PIK3CD: variants seen among roughly 807,000 people sequenced by gnomAD.
PIK3CD encodes phosphatidylinositol 4,5-bisphosphate 3-kinase catalytic subunit delta isoform.
Under a neutral mutation model 122.9 loss-of-function variants are expected in PIK3CD, and 20 were observed. That is an observed-to-expected ratio of 0.16 (90% CI 0.11 to 0.24). The LOEUF is 0.24. PIK3CD is among the 10% of genes least tolerant of loss of function. PIK3CD has a pLI of 1.00. For missense variants in PIK3CD, 787 were observed against 1,406.3 expected (o/e 0.56, Z 7.04); for synonymous variants, 596 against 593.4 (o/e 1.00, Z -0.06).
intron 1 of PIK3CD, among the ~76,000 whole-genome samples, chr1:9,683,516 G>C (rs1645851614): frequency 6.6e-6 from 1 of 151,992 alleles, no homozygotes. Flanking sequence ...ACAACTTGGT[G>C]TTAGAAGCAG....
chr1:9,660,854 T>C (rs2100822181), intron 1 of PIK3CD: 1 of 152,368 alleles, frequency 6.6e-6, no homozygotes, highest in African/African-American at 2.4e-5. Context: ...TAATTATTTC[T>C]TCCTTGTATT....
chr1:9,717,424 C>G lies in PIK3CD; in HGVS notation c.931-113C>G. 5 of 1,090,184 alleles carry G rather than the reference C, an allele frequency of 4.6e-6. No homozygotes were observed. In the East Asian group the frequency reaches 1.2e-4, roughly 26 times the overall value. 67.5% of individuals were successfully genotyped at this position (1,090,184 alleles called of 1,614,324 possible). A position where few individuals can be genotyped will look rare whatever the true frequency, so the allele number is the denominator to read the frequency against. On this transcript the variant is annotated intron_variant, in intron 7 of 23. Transcript: ENST00000377346. The surrounding 1 kb of genome is among the most constrained non-coding windows in gnomAD (Gnocchi z 5.4). ...CATTGTGGACAGGCCCAAACCTGGC[C>G]GCAAACCTGTGACCCTCTCACCCGC...
At chr1:9,703,669 T>A (rs1356019394) in intron 2 of PIK3CD, among the ~76,000 whole-genome samples, 1 of 152,336 alleles carries the variant, frequency 6.6e-6, no homozygotes, top group East Asian at 1.9e-4. Flanking sequence ...TCATCGATAC[T>A]GTTGTGTGGA....
In PIK3CD at chr1:9,724,682, T is replaced by C; in HGVS notation, c.2865-122T>C. 1 of 1,327,136 alleles carries C rather than the reference T, an allele frequency of 7.5e-7. No individual in the cohort carries two copies. The highest frequency in any genetic ancestry group is 1.1e-6 in the Non-Finnish European group (1 of 922,856). 82.2% of individuals were successfully genotyped at this position (1,327,136 alleles called of 1,614,324 possible). On this transcript the variant is annotated intron_variant, in intron 22 of 23. Coordinates refer to ENST00000377346, the MANE Select transcript of PIK3CD (RefSeq NM_005026.5). This position sits in a 1 kb window ranked among gnomAD's most constrained non-coding sequence, Gnocchi z 7.3. The stretch of plus-strand genomic sequence containing the variant: ...AGTTAGCAGAACTGGAGGCCTTGTG[T>C]CCACCCATTATCAGGGCAAGGGCAG...
intron 1 of PIK3CD, among the ~76,000 whole-genome samples, chr1:9,675,168 G>A (rs1404736379): frequency 1.3e-5 from 2 of 151,430 alleles, no homozygotes; most frequent in East Asian, 1.9e-4. Flanking sequence ...GGCGGATCAC[G>A]AGGTCAGGAG....
At position 9,720,636 on chromosome 1, in the gene PIK3CD, A is replaced by C. The variant is rs922490667; in HGVS notation, c.1496A>C (p.Glu499Ala). 2.8e-5 allele frequency: 34 copies of C among 1,195,596 alleles called. No homozygotes were observed. The highest frequency in any genetic ancestry group is 3.6e-5 in the Non-Finnish European group (33 of 923,050). The allele number at this position is 1,195,596 out of a possible 1,614,324, so 74.1% of individuals were successfully genotyped here. A position where few individuals can be genotyped will look rare whatever the true frequency, so the allele number is the denominator to read the frequency against. Residue 499 changes from glutamate to alanine, a missense_variant, in exon 12 of 24, where the codon GAG becomes GCG. By Grantham distance (107) the Glu-to-Ala change is moderately radical. This residue lies in a region of PIK3CD where 592 missense variants were observed against 920.6 expected (regional missense o/e 0.64). Coordinates refer to ENST00000377346, the MANE Select transcript of PIK3CD (RefSeq NM_005026.5). The surrounding 1 kb of genome is among the most constrained non-coding windows in gnomAD (Gnocchi z 9.0). Reference protein sequence around the residue: ...EKILELGRHSECVHVTEEEQL... With the variant: ...EKILELGRHSACVHVTEEEQL... ...ATCTTGGAGCTGGGGCGACACAGCGAGTGTGTGCATGTCACCGAGGAGGAG... is the reference window on the plus strand; with the variant it reads ...ATCTTGGAGCTGGGGCGACACAGCGCGTGTGTGCATGTCACCGAGGAGGAG...
rs1268745845 is a variant in PIK3CD at position 9,728,467 on chromosome 1, C to G, written c.*1421C>G. 3 of 152,290 alleles carry G rather than the reference C, an allele frequency of 2.0e-5. No homozygotes were observed. Among genetic ancestry groups the G allele is most frequent in the Non-Finnish European group, 4.4e-5 (3 of 68,084 alleles). 9.4% of individuals were successfully genotyped at this position (152,290 alleles called of 1,614,324 possible). A position where few individuals can be genotyped will look rare whatever the true frequency, so the allele number is the denominator to read the frequency against. On this transcript the variant is annotated 3_prime_UTR_variant, in exon 24 of 24. Coordinates refer to ENST00000377346, the MANE Select transcript of PIK3CD (RefSeq NM_005026.5). ...TGGACTCAGGACCTGCCCGGTGATG[C>G]TGTTGATTTCTCAAAGGTCTTCCAA...
In PIK3CD at chr1:9,654,386, C is replaced by T. The variant is rs1557588493; in HGVS notation, c.-138+2584C>T. On this transcript the variant is annotated intron_variant, in intron 1 of 23. Transcript: ENST00000377346. ...TTAGCAAGTGTTTCCTGAGATCACA[C>T]GGGGTGCCAGGGGCTGTGCTAAGAA... 9 of 1,367,560 alleles carry T rather than the reference C, an allele frequency of 6.6e-6. No homozygotes were observed. In the Admixed American group the frequency reaches 1.1e-4, roughly 17 times the overall value. The allele number at this position is 1,367,560 out of a possible 1,614,324, so 84.7% of individuals were successfully genotyped here.
the PIK3CD span, among the ~76,000 whole-genome samples, chr1:9,644,544 TAAA>T: frequency 1.3e-5 from 2 of 151,432 alleles, no homozygotes; most frequent in African/African-American, 4.9e-5. Flanking sequence ...AATAAATAAA[TAAA>T]TAAATAAATA....
intron 1 of PIK3CD, among the ~76,000 whole-genome samples, chr1:9,691,042 C>T (rs952747589): frequency 6.6e-5 from 10 of 152,168 alleles, no homozygotes; most frequent in African/African-American, 2.4e-4. Flanking sequence ...TCCTTTAGAC[C>T]TGGGCCTTGA....
chr1:9,725,563 AT>A (rs1259502507), intron 23 of PIK3CD, among the ~76,000 whole-genome samples: 1 of 150,724 alleles, frequency 6.6e-6, no homozygotes, highest in African/African-American at 2.4e-5. Flanking sequence ...CTCAAAAAAA[AT>A]AAAAATAAAT....
At chr1:9,716,261 A>G in intron 5 of PIK3CD, 179 bp from the exon 6 acceptor site, 1 of 812,050 alleles carries the variant, frequency 1.2e-6, no homozygotes. Context: ...ACGTGGCAGG[A>G]TAACCAAGTG....
Position 9,722,884 on chromosome 1 carries a change from C to T in PIK3CD, c.2427-241C>T, listed in dbSNP as rs1053618797. 6.6e-6 allele frequency among the ~76,000 whole-genome samples: 1 copy of T among 152,202 alleles called. No individual in the cohort carries two copies. Among genetic ancestry groups the T allele is most frequent in the Non-Finnish European group, 1.5e-5 (1 of 68,034 alleles). ...CCATCTTGGGAAGCAGTGGCGTCTTCTCCCAAGGCCTCTGTCTGGTTCTCT... is the reference window on the plus strand; with the variant it reads ...CCATCTTGGGAAGCAGTGGCGTCTTTTCCCAAGGCCTCTGTCTGGTTCTCT... On this transcript the variant is annotated intron_variant, in intron 19 of 23. Transcript: ENST00000377346. This position sits in a 1 kb window ranked among gnomAD's most constrained non-coding sequence, Gnocchi z 7.6.
the PIK3CD span, among the ~76,000 whole-genome samples, chr1:9,642,727 A>C: frequency 6.6e-6 from 1 of 151,422 alleles, no homozygotes; most frequent in South Asian, 2.1e-4. Context: ...AAAAAAAAAA[A>C]AAAAAAACTT....
chr1:9,660,633 G>C (rs1644984131), intron 1 of PIK3CD, among the ~76,000 whole-genome samples: 1 of 152,022 alleles, frequency 6.6e-6, no homozygotes. Context: ...GAAAACAGAG[G>C]AATAGCACAT....
intron 1 of PIK3CD, among the ~76,000 whole-genome samples, chr1:9,658,207 A>G (rs1435784228): frequency 1.3e-5 from 2 of 151,608 alleles, no homozygotes; most frequent in African/African-American, 4.8e-5. Context: ...ACATAGTAAG[A>G]CCCCCATCTC....
Position 9,724,877 on chromosome 1 carries a change from C to G in PIK3CD, c.2938C>G (p.Leu980Val). 6.2e-7 allele frequency: 1 copy of G among 1,614,034 alleles called. No homozygotes were observed. Among genetic ancestry groups the G allele is most frequent in the Non-Finnish European group, 8.5e-7 (1 of 1,180,048 alleles). ...HGLLFLHLFA[L>V]MRAAGLPELS... ...GCTTCTCTTCCTCCACCTCTTTGCC[C>G]TGATGCGGGCGGCAGGCCTGCCTGA... The change falls in exon 23 of 24, where the codon CTG becomes GTG. Residue 980 changes from leucine (L) to valine (V), a missense_variant. Leu to Val is a conservative substitution (Grantham distance 32, BLOSUM62 1). Transcript: ENST00000377346. The surrounding 1 kb of genome is among the most constrained non-coding windows in gnomAD (Gnocchi z 7.3).
At chr1:9,706,109 G>C (rs1007468838) in intron 2 of PIK3CD, among the ~76,000 whole-genome samples, 1 of 124,256 alleles carries the variant, frequency 8.0e-6, no homozygotes, top group African/African-American at 3.2e-5. Flanking sequence ...TGCTCAGGCT[G>C]GTCTCAAACT....
chr1:9,637,059 G>A, the PIK3CD span, among the ~76,000 whole-genome samples: 6 of 152,012 alleles, frequency 3.9e-5, no homozygotes, highest in Admixed American at 1.3e-4. Flanking sequence ...CACCACGCCC[G>A]GCTAATTTTT....
Sources: allele counts gnomAD v4.1 joint callset (sites outside exome capture counted in the v4.1 genomes callset), GRCh38; gene constraint gnomAD v4.1.1; regional missense constraint gnomAD v4.1.1; non-coding constraint Gnocchi (gnomAD v3.1); transcripts MANE v1.5; gene names NCBI Gene and HGNC (gene_info 2026-07-23, HGNC 2026-07-21).